Variants in ANKRD11 observed in about 807,000 individuals in gnomAD.
The protein encoded by ANKRD11 is ankyrin repeat domain 11, also known as ankyrin repeat domain-containing protein 11.
ANKRD11 carries 17 observed loss-of-function variants against 195.7 expected under a neutral mutation model. The observed-to-expected ratio is 0.09, with a 90% confidence interval of 0.06 to 0.13. The LOEUF (loss-of-function observed/expected upper bound fraction) is 0.13. ANKRD11 is among the 10% of genes least tolerant of loss of function. ANKRD11 has a pLI of 1.00. For synonymous variants in ANKRD11, 1,953 were observed against 1,528.1 expected (o/e 1.28, Z -6.49); for missense variants, 3,735 against 3,566.1 (o/e 1.05, Z -1.21).
chr16:89,339,324 G>A (rs913551783), intron 2 of ANKRD11, among the ~76,000 whole-genome samples: 1 of 152,208 alleles, frequency 6.6e-6, no homozygotes, highest in Non-Finnish European at 1.5e-5. Flanking sequence ...AGGAGTAAGA[G>A]AGGCCCAGGT....
intron 1 of ANKRD11, among the ~76,000 whole-genome samples, chr16:89,449,865 G>A (rs965497725): frequency 1.6e-5 from 2 of 127,836 alleles, no homozygotes; most frequent in Non-Finnish European, 3.4e-5. Context: ...ACAGAAAGCA[G>A]GTGACATGAT....
rs58470031 is a variant in ANKRD11, at chr16:89,356,780, C to CAAA, written c.-59-39705_-59-39703dup. On this transcript the variant is annotated intron_variant, in intron 2 of 12. Coordinates refer to ENST00000301030, the MANE Select transcript of ANKRD11 (RefSeq NM_013275.6). ...TGGGCGACACAGCAAGACTCCGTCTCAAAAAAAAAAAAAAAGAAAAAAGAA... is the reference window on the plus strand; with the variant it reads ...TGGGCGACACAGCAAGACTCCGTCTCAAAAAAAAAAAAAAAAAAGAAAAAAGAA... 2.9e-5 allele frequency among the ~76,000 whole-genome samples: 3 copies of CAAA among 103,962 alleles called. No individual in the cohort carries two copies. The Admixed American group carries it at 3.2e-4, about 11-fold the overall frequency. 68.2% of individuals were successfully genotyped at this position (103,962 alleles called of 152,430 possible).
intron 4 of ANKRD11, among the ~76,000 whole-genome samples, chr16:89,301,900 C>CA (rs1304805110): frequency 6.6e-6 from 1 of 152,218 alleles, no homozygotes; most frequent in Non-Finnish European, 1.5e-5. Flanking sequence ...CCCACAGCAA[C>CA]ATGGAGGTCT....
rs780974553 is a variant in ANKRD11, at chr16:89,283,944, C to T, written c.2598G>A (p.Arg866=). 1.2e-5 allele frequency: 19 copies of T among 1,614,136 alleles called. No homozygotes were observed. The highest frequency in any genetic ancestry group is 1.6e-5 in the Non-Finnish European group (19 of 1,180,034). The change falls in exon 9 of 13, where the codon AGG becomes AGA. Residue 866 remains arginine, a synonymous_variant. Coordinates refer to ENST00000301030, the MANE Select transcript of ANKRD11 (RefSeq NM_013275.6). This position sits in a 1 kb window ranked among gnomAD's most constrained non-coding sequence, Gnocchi z 4.3. The part of the protein sequence containing the change: ...DSWDSPVTDY[R]DMKSDSVAKL... The stretch of plus-strand genomic sequence containing the variant: ...TGGCCACAGAGTCGCTCTTCATGTC[C>T]CTGTAGTCTGTCACTGGCGAGTCCC...
chr16:89,313,117 C>G (rs776902708), intron 3 of ANKRD11, among the ~76,000 whole-genome samples: 5 of 152,232 alleles, frequency 3.3e-5, no homozygotes, highest in South Asian at 2.1e-4. Context: ...GGGTTCCTAA[C>G]AAGCTCCAGC....
chr16:89,473,946 G>C (rs551588273), intron 1 of ANKRD11, among the ~76,000 whole-genome samples: 1 of 152,196 alleles, frequency 6.6e-6, no homozygotes, highest in African/African-American at 2.4e-5. Flanking sequence ...ATTATGTTAC[G>C]TAAGACTTAG....
chr16:89,338,109 C>T (rs1046690668), intron 2 of ANKRD11, among the ~76,000 whole-genome samples: 10 of 152,192 alleles, frequency 6.6e-5, no homozygotes, highest in Non-Finnish European at 1.5e-4. Flanking sequence ...TATGGCCATC[C>T]CAGGACGCCG....
At position 89,281,449 on chromosome 16, in the gene ANKRD11, C is replaced by T. The variant is rs1278699989; in HGVS notation, c.5093G>A (p.Ser1698Asn). The change falls in exon 9 of 13, where the codon AGC becomes AAC. Residue 1698 changes from serine to asparagine, a missense_variant. Physicochemically the swap from Ser to Asn is conservative, Grantham distance 46. Transcript: ENST00000301030. The surrounding 1 kb of genome is among the most constrained non-coding windows in gnomAD (Gnocchi z 5.5). Reference sequence around the variant, plus strand: ...AGGGGTGGGCACGCCAGTGGGCCGGCTCTGGTCAGGCCTGGGGGACGCAGG... The same window carrying T: ...AGGGGTGGGCACGCCAGTGGGCCGGTTCTGGTCAGGCCTGGGGGACGCAGG... ...VLPASPRPDQ[S>N]RPTGVPTPTS... 6.2e-7 allele frequency: 1 copy of T among 1,613,800 alleles called. No individual in the cohort carries two copies. The highest frequency in any genetic ancestry group is 2.2e-5 in the East Asian group (1 of 44,874).
Position 89,280,592 on chromosome 16 carries a change from G to C in ANKRD11, c.5950C>G (p.Pro1984Ala). Residue 1984 changes from proline (P) to alanine (A), a missense_variant, in exon 9 of 13, where the codon CCA becomes GCA. Transcript: ENST00000301030. ...PVGSDLLLKS[P>A]QRFPESPKRF... ...TTTGGGGACTCGGGGAATCTCTGTGGAGACTTCAGCAGGAGGTCCGAGCCC... is the reference window on the plus strand; with the variant it reads ...TTTGGGGACTCGGGGAATCTCTGTGCAGACTTCAGCAGGAGGTCCGAGCCC... 3 of 1,613,532 alleles carry C rather than the reference G, an allele frequency of 1.9e-6. No homozygotes were observed. Among genetic ancestry groups the C allele is most frequent in the African/African-American group, 1.3e-5 (1 of 75,054 alleles).
At chr16:89,272,934 T>A (rs1273652546) in intron 11 of ANKRD11, 1 of 150,176 alleles carries the variant, frequency 6.7e-6, no homozygotes, top group African/African-American at 2.5e-5. Flanking sequence ...ACTTGTGGGA[T>A]CTAAAAATCA....
At chr16:89,404,539 G>A (rs1479628634) in intron 2 of ANKRD11, among the ~76,000 whole-genome samples, 1 of 152,238 alleles carries the variant, frequency 6.6e-6, no homozygotes, top group Non-Finnish European at 1.5e-5. Flanking sequence ...GGGGTAAAGA[G>A]AAGAGAAGGA....
chr16:89,409,475 A>T (rs1163234822), intron 2 of ANKRD11, among the ~76,000 whole-genome samples: 1 of 152,194 alleles, frequency 6.6e-6, no homozygotes, highest in East Asian at 1.9e-4. Flanking sequence ...ACAGCATAAA[A>T]ACATACAGGT....
At chr16:89,409,354 T>C (rs2035564250) in intron 2 of ANKRD11, among the ~76,000 whole-genome samples, 2 of 152,168 alleles carry the variant, frequency 1.3e-5, no homozygotes, top group South Asian at 2.1e-4. Flanking sequence ...AAGATCCACC[T>C]ATCAACAGGG....
intron 2 of ANKRD11, among the ~76,000 whole-genome samples, chr16:89,392,069 T>C (rs2152125996): frequency 6.6e-6 from 1 of 152,292 alleles, no homozygotes; most frequent in East Asian, 1.9e-4. Flanking sequence ...AAGTTCTAAG[T>C]TGCTAGCCAA....
Position 89,279,684 on chromosome 16 carries a change from G to A in ANKRD11, c.6858C>T (p.Asp2286=), listed in dbSNP as rs1338574764. The A allele has an allele frequency of 6.0e-6, 9 of 1,488,470 alleles. No homozygotes were observed. The highest frequency in any genetic ancestry group is 2.2e-4 in the Middle Eastern group (1 of 4,530). The allele number at this position is 1,488,470 out of a possible 1,614,324, so 92.2% of individuals were successfully genotyped here. ...PNTVAQAQAA[D]GAGPEDDTEA... ...CAGTGTCGTCCTCGGGGCCGGCACCGTCTGCGGCCTGAGCTTGTGCCACAG... is the reference window on the plus strand; with the variant it reads ...CAGTGTCGTCCTCGGGGCCGGCACCATCTGCGGCCTGAGCTTGTGCCACAG... The change falls in exon 9 of 13, where the codon GAC becomes GAT. Residue 2286 remains aspartate (D), a synonymous_variant. Coordinates refer to ENST00000301030, the MANE Select transcript of ANKRD11 (RefSeq NM_013275.6). The surrounding 1 kb of genome is among the most constrained non-coding windows in gnomAD (Gnocchi z 5.6).
rs869142504 is a variant in ANKRD11 at position 89,334,144 on chromosome 16, T to TAAAAAAAAA, written c.-59-17075_-59-17067dup. ...GGTAACATGATGAAACCCTGTGTTT[T>TAAAAAAAAA]AAAAAAAAAAAAAAAAAAAAAAAAA... is the stretch of plus-strand genomic sequence containing the variant. On this transcript the variant is annotated intron_variant, in intron 2 of 12. Coordinates refer to ENST00000301030, the MANE Select transcript of ANKRD11 (RefSeq NM_013275.6). Among the ~76,000 whole-genome samples the TAAAAAAAAA allele has an allele frequency of 9.5e-3, 395 of 41,402 alleles. 83 individuals carry two copies. The highest frequency in any genetic ancestry group is 0.036 in the African/African-American group (379 of 10,436). 27.2% of individuals were successfully genotyped at this position (41,402 alleles called of 152,430 possible).
At chr16:89,379,293 T>C (rs1315984137) in intron 2 of ANKRD11, among the ~76,000 whole-genome samples, 1 of 152,242 alleles carries the variant, frequency 6.6e-6, no homozygotes, top group Non-Finnish European at 1.5e-5. Context: ...ACAAAGACCT[T>C]GTGCCAGTTC....
At chr16:89,438,808 C>A (rs2043324621) in intron 1 of ANKRD11, among the ~76,000 whole-genome samples, 1 of 151,896 alleles carries the variant, frequency 6.6e-6, no homozygotes, top group South Asian at 2.1e-4. Flanking sequence ...AAGTTCAAGG[C>A]CAACCAGAGC....
chr16:89,392,423 T>C (rs1325246362), intron 2 of ANKRD11: 2 of 152,176 alleles, frequency 1.3e-5, no homozygotes, highest in African/African-American at 4.8e-5. Flanking sequence ...TTTTCATGTT[T>C]TCTTACATTT....
Sources: gnomAD v4.1 joint callset for allele counts (sites outside exome capture counted in the v4.1 genomes callset) on GRCh38, gnomAD v4.1.1 for gene constraint, Gnocchi (gnomAD v3.1) non-coding constraint, MANE v1.5 for transcripts, NCBI Gene and HGNC (gene_info 2026-07-23, HGNC 2026-07-21) for gene names.